Variants in MAGI1 observed in about 807,000 individuals in gnomAD.
MAGI1 encodes the protein membrane associated guanylate kinase, WW and PDZ domain containing 1, also known as membrane-associated guanylate kinase, WW and PDZ domain-containing protein 1.
Under a neutral mutation model 139.9 loss-of-function variants are expected in MAGI1, and 58 were observed. The observed-to-expected ratio is 0.41, with a 90% CI of 0.34 to 0.52. The LOEUF is 0.52. Ranked by LOEUF, MAGI1 falls within the 20% of genes least tolerant of loss-of-function variation. The pLI is 0.12. For synonymous variants in MAGI1, 812 were observed against 737.9 expected (o/e 1.10, Z -1.63); for missense variants, 1,874 against 1,901.6 (o/e 0.99, Z 0.27).
intron 1 of MAGI1, among the ~76,000 whole-genome samples, chr3:66,031,268 G>A (rs2068577182): frequency 6.6e-6 from 1 of 152,188 alleles, no homozygotes. Context: ...CTCAAGGAAA[G>A]GGCCACTAAC....
intron 1 of MAGI1, among the ~76,000 whole-genome samples, chr3:65,770,303 G>T (rs953059024): frequency 2.0e-5 from 3 of 152,080 alleles, no homozygotes; most frequent in Non-Finnish European, 4.4e-5. Context: ...CATCAAAATT[G>T]GTCAAGCACT....
intron 1 of MAGI1, among the ~76,000 whole-genome samples, chr3:65,656,391 G>A (rs17073290): frequency 0.011 from 1,646 of 152,154 alleles, 30 homozygotes; most frequent in African/African-American, 0.036. Flanking sequence ...TCTGGTGTCC[G>A]TTTTCAAAGT....
chr3:65,472,231 G>A (rs1950597672), intron 4 of MAGI1, among the ~76,000 whole-genome samples: 1 of 152,086 alleles, frequency 6.6e-6, no homozygotes, highest in African/African-American at 2.4e-5. Context: ...AGAATTAAAG[G>A]AGTCACCTTT....
intron 6 of MAGI1, among the ~76,000 whole-genome samples, chr3:65,451,357 C>T (rs1175627831): frequency 6.6e-6 from 1 of 152,162 alleles, no homozygotes; most frequent in Non-Finnish European, 1.5e-5. Context: ...AATCATAAGG[C>T]ATCAAATAAT....
chr3:65,433,556 G>C (rs1447650224), intron 10 of MAGI1, among the ~76,000 whole-genome samples: 1 of 152,064 alleles, frequency 6.6e-6, no homozygotes, highest in Non-Finnish European at 1.5e-5. Flanking sequence ...GTGGAATTTG[G>C]AGCTCTCAGC....
At chr3:65,642,011 T>A (rs142931776) in intron 1 of MAGI1, among the ~76,000 whole-genome samples, 20 of 152,288 alleles carry the variant, frequency 1.3e-4, no homozygotes, top group African/African-American at 4.8e-4. Flanking sequence ...GGATCACAAA[T>A]GCAGGGCTTT....
At chr3:65,694,037 C>G (rs889603947) in intron 1 of MAGI1, among the ~76,000 whole-genome samples, 2 of 151,792 alleles carry the variant, frequency 1.3e-5, no homozygotes, top group Non-Finnish European at 2.9e-5. Context: ...ACTTTCTTAA[C>G]GGAGGACCAA....
chr3:65,503,529 T>C (rs2077164502), intron 2 of MAGI1, among the ~76,000 whole-genome samples: 1 of 152,198 alleles, frequency 6.6e-6, no homozygotes, highest in South Asian at 2.1e-4. Flanking sequence ...GTCTCATAAA[T>C]GGAATAATGC....
At chr3:65,961,828 C>T (rs906551333) in intron 1 of MAGI1, among the ~76,000 whole-genome samples, 1 of 152,226 alleles carries the variant, frequency 6.6e-6, no homozygotes, top group Non-Finnish European at 1.5e-5. Flanking sequence ...TCCTGTCAGG[C>T]TTCCCTTAAT....
chr3:65,410,322 T>C (rs1332249174), intron 12 of MAGI1, among the ~76,000 whole-genome samples: 1 of 152,222 alleles, frequency 6.6e-6, no homozygotes, highest in Non-Finnish European at 1.5e-5. Context: ...GTACCTGCAC[T>C]CTAAGTACTA....
intron 2 of MAGI1, among the ~76,000 whole-genome samples, chr3:65,565,902 T>C (rs1444107664): frequency 6.8e-6 from 1 of 147,012 alleles, no homozygotes; most frequent in Admixed American, 6.8e-5. Flanking sequence ...CAACGGACAG[T>C]GGATTTGGAG....
chr3:65,568,184 G>A (rs1293568577), intron 2 of MAGI1, among the ~76,000 whole-genome samples: 1 of 152,174 alleles, frequency 6.6e-6, no homozygotes, highest in Non-Finnish European at 1.5e-5. Flanking sequence ...TCTGGGTAAG[G>A]AGCAGGCAAG....
intron 5 of MAGI1, among the ~76,000 whole-genome samples, chr3:65,461,614 G>A (rs970914264): frequency 4.7e-5 from 7 of 149,860 alleles, no homozygotes; most frequent in African/African-American, 7.4e-5. Context: ...TCAGCCTCCC[G>A]AGTAGCTGGG....
chr3:65,592,632 CAT>C, intron 2 of MAGI1, among the ~76,000 whole-genome samples: 1 of 152,082 alleles, frequency 6.6e-6, no homozygotes, highest in Non-Finnish European at 1.5e-5. Flanking sequence ...AAGCTATGTG[CAT>C]ATATATATTA....
At chr3:65,507,728 A>G (rs2077357537) in intron 2 of MAGI1, among the ~76,000 whole-genome samples, 2 of 152,192 alleles carry the variant, frequency 1.3e-5, no homozygotes, top group African/African-American at 4.8e-5. Flanking sequence ...CATTTCAATT[A>G]GTTCATGTTT....
At chr3:65,618,569 T>G (rs976435783) in intron 2 of MAGI1, among the ~76,000 whole-genome samples, 1 of 149,530 alleles carries the variant, frequency 6.7e-6, no homozygotes, top group Non-Finnish European at 1.5e-5. Flanking sequence ...ATCAGAAACT[T>G]TTTTTTTTCT....
At chr3:65,870,148 CA>C (rs1390160980) in intron 1 of MAGI1, among the ~76,000 whole-genome samples, 24 of 152,118 alleles carry the variant, frequency 1.6e-4, no homozygotes, top group Non-Finnish European at 7.4e-5. Flanking sequence ...ATAATGTTGA[CA>C]AATGTGCGTA....
At chr3:65,549,462 C>G in intron 2 of MAGI1, 1 of 985,368 alleles carries the variant, frequency 1.0e-6, no homozygotes, top group Non-Finnish European at 1.2e-6. Context: ...GGAGCCCAGG[C>G]GCGCGCTCGG....
chr3:65,520,694 T>A (rs1247852886), intron 2 of MAGI1, among the ~76,000 whole-genome samples: 35 of 152,148 alleles, frequency 2.3e-4, no homozygotes, highest in Non-Finnish European at 1.5e-5. Context: ...TTCCACTACA[T>A]TAAGAGGCCA....
Sources: gnomAD v4.1 joint callset for allele counts (sites outside exome capture counted in the v4.1 genomes callset) on GRCh38, gnomAD v4.1.1 for gene constraint, MANE v1.5 for transcripts, NCBI Gene and HGNC (gene_info 2026-07-23, HGNC 2026-07-21) for gene names.